The following RIN2 variants were observed in gnomAD, a reference collection of about 807,000 sequenced individuals.
RIN2 encodes RAB5 interacting protein 2.
Under a neutral mutation model 78.0 loss-of-function variants are expected in RIN2, and 36 were observed. That is an observed-to-expected ratio of 0.46 (90% CI 0.35 to 0.61). RIN2 has a LOEUF of 0.61. Ranked by LOEUF, RIN2 falls within the 20% of genes least tolerant of loss-of-function variation. RIN2 has a pLI of 0.00. For missense variants in RIN2, 1,087 were observed against 1,159.7 expected, an observed-to-expected ratio of 0.94 and a Z score of 0.91; for synonymous variants, 466 against 466.8, an observed-to-expected ratio of 1.00 and a Z score of 0.02.
At chr20:19,782,494 G>A (rs2034542257) in intron 1 of RIN2, among the ~76,000 whole-genome samples, 1 of 151,770 alleles carries the variant, frequency 6.6e-6, no homozygotes, top group Non-Finnish European at 1.5e-5. Flanking sequence ...GAACCTGGGA[G>A]GTGGAGCTTG....
chr20:19,953,438 T>A (rs900982910), intron 4 of RIN2, among the ~76,000 whole-genome samples: 1 of 151,696 alleles, frequency 6.6e-6, no homozygotes, highest in African/African-American at 2.4e-5. Context: ...CTGGCTTTTC[T>A]TTTCTTTTCT....
chr20:19,886,281 C>T (rs570008962), intron 2 of RIN2, among the ~76,000 whole-genome samples: 1 of 152,352 alleles, frequency 6.6e-6, no homozygotes, highest in East Asian at 1.9e-4. Flanking sequence ...CAGCCTCCAG[C>T]GGTCTCACAT....
chr20:19,840,582 C>T (rs1427739127), intron 2 of RIN2, among the ~76,000 whole-genome samples: 2 of 152,176 alleles, frequency 1.3e-5, no homozygotes, highest in East Asian at 1.9e-4. Flanking sequence ...GGGTAAGTCC[C>T]CATGCCCCTT....
intron 2 of RIN2, among the ~76,000 whole-genome samples, chr20:19,808,293 T>A (rs1249314545): frequency 6.6e-6 from 1 of 152,184 alleles, no homozygotes; most frequent in African/African-American, 2.4e-5. Context: ...CTGAGCCTGG[T>A]CCCCAGCAGG....
chr20:19,847,105 A>G (rs1033621301), intron 2 of RIN2, among the ~76,000 whole-genome samples: 1 of 152,214 alleles, frequency 6.6e-6, no homozygotes, highest in Non-Finnish European at 1.5e-5. Flanking sequence ...TTTGCCCTGC[A>G]GTCAACATTG....
chr20:19,992,735 T>A (rs2042834747), intron 11 of RIN2, among the ~76,000 whole-genome samples: 1 of 151,850 alleles, frequency 6.6e-6, no homozygotes, highest in Admixed American at 6.6e-5. Flanking sequence ...ATAAATGCCA[T>A]TTTTTTTGGA....
intron 4 of RIN2, among the ~76,000 whole-genome samples, chr20:19,948,942 A>T (rs2041205483): frequency 1.3e-5 from 2 of 152,100 alleles, no homozygotes; most frequent in African/African-American, 4.8e-5. Flanking sequence ...TGCTGGGATT[A>T]TAGGTACAGG....
intron 4 of RIN2, among the ~76,000 whole-genome samples, chr20:19,944,406 A>G (rs1456660470): frequency 4.6e-5 from 7 of 152,262 alleles, no homozygotes; most frequent in Admixed American, 2.6e-4. Flanking sequence ...CTTTTGATAC[A>G]TGGTCAAGGA....
intron 4 of RIN2, among the ~76,000 whole-genome samples, chr20:19,940,753 G>A (rs540231651): frequency 1.6e-4 from 25 of 152,322 alleles, no homozygotes; most frequent in South Asian, 1.2e-3. Flanking sequence ...TTCATTTGGC[G>A]GAAGCAGGCC....
At chr20:19,769,273 T>G (rs1035982549) in intron 1 of RIN2, among the ~76,000 whole-genome samples, 2 of 152,154 alleles carry the variant, frequency 1.3e-5, no homozygotes, top group African/African-American at 4.8e-5. Context: ...GGCTCTGAGT[T>G]CCTTGAAGGG....
intron 3 of RIN2, among the ~76,000 whole-genome samples, chr20:19,907,917 C>T (rs1204957948): frequency 6.6e-6 from 1 of 152,112 alleles, no homozygotes; most frequent in Non-Finnish European, 1.5e-5. Context: ...TTAATAAATC[C>T]CTGTCCTATG....
intron 6 of RIN2, among the ~76,000 whole-genome samples, chr20:19,961,265 T>C (rs533588639): frequency 1.3e-5 from 2 of 152,296 alleles, no homozygotes; most frequent in South Asian, 4.1e-4. Context: ...CTCCAGGCAA[T>C]CAGTGTTCAG....
chr20:19,887,214 G>A (rs139183907), intron 2 of RIN2, among the ~76,000 whole-genome samples: 2,210 of 151,328 alleles, frequency 0.015, 66 homozygotes, highest in African/African-American at 0.051. Context: ...TTTAGAGACA[G>A]GGTCTCGCTA....
chr20:19,934,279 CTA>C (rs766545598), intron 3 of RIN2, among the ~76,000 whole-genome samples: 8 of 88,336 alleles, frequency 9.1e-5, no homozygotes, highest in Non-Finnish European at 2.9e-4. Context: ...TGGAAAATTA[CTA>C]TGTTTTCAAA....
chr20:19,805,487 C>T (rs369233396), intron 2 of RIN2, among the ~76,000 whole-genome samples: 7 of 152,132 alleles, frequency 4.6e-5, no homozygotes, highest in African/African-American at 1.4e-4. Flanking sequence ...CTGCAACCTC[C>T]ACCTCCTGGG....
chr20:19,856,068 C>T (rs945174209), intron 2 of RIN2, among the ~76,000 whole-genome samples: 2 of 151,924 alleles, frequency 1.3e-5, no homozygotes, highest in African/African-American at 4.8e-5. Context: ...AGCAAGACTC[C>T]TTCTAGAACA....
chr20:19,769,225 G>GTGC (rs1189084274), intron 1 of RIN2, among the ~76,000 whole-genome samples: 8 of 152,160 alleles, frequency 5.3e-5, no homozygotes, highest in African/African-American at 1.9e-4. Context: ...ATGAGCCACC[G>GTGC]TGCCGTGCCC....
intron 4 of RIN2, among the ~76,000 whole-genome samples, chr20:19,940,544 C>T (rs551550319): frequency 1.3e-5 from 2 of 152,306 alleles, no homozygotes; most frequent in African/African-American, 4.8e-5. Flanking sequence ...AATCTCCCTC[C>T]ATGCCTCTGC....
At chr20:19,808,925 G>A (rs1451420714) in intron 2 of RIN2, among the ~76,000 whole-genome samples, 1 of 152,196 alleles carries the variant, frequency 6.6e-6, no homozygotes, top group Non-Finnish European at 1.5e-5. Context: ...AAGGGATGCG[G>A]TCCAGGGCGT....
Sources: allele counts gnomAD v4.1 joint callset (sites outside exome capture counted in the v4.1 genomes callset), GRCh38; gene constraint gnomAD v4.1.1; transcripts MANE v1.5; gene names NCBI Gene and HGNC (gene_info 2026-07-23, HGNC 2026-07-21).